Variants in SH3KBP1 observed in about 807,000 individuals in gnomAD.
SH3KBP1 encodes SH3 domain containing kinase binding protein 1.
Under a neutral mutation model 50.1 loss-of-function variants are expected in SH3KBP1, and 8 were observed. That is an observed-to-expected ratio of 0.16 (90% CI 0.09 to 0.29). The LOEUF is 0.29. Among genes scored for constraint, SH3KBP1 ranks in the 10% least tolerant of loss-of-function variants. SH3KBP1 has a pLI of 1.00. For missense variants in SH3KBP1, 377 were observed against 535.2 expected (o/e 0.70, Z 2.92); for synonymous variants, 227 against 218.6 (o/e 1.04, Z -0.34).
chrX:19,597,842 G>C (rs967214219), intron 9 of SH3KBP1, among the ~76,000 whole-genome samples: 1 of 112,677 alleles, frequency 8.9e-6, no homozygotes, highest in Admixed American at 9.4e-5. Context: ...TTTGAGGCCA[G>C]ATATCAACTT....
chrX:19,886,213 T>G lies in SH3KBP1; in HGVS notation c.4+1094A>C, dbSNP rs1299799251. Among the ~76,000 whole-genome samples, 3 of 112,039 alleles carry G rather than the reference T, an allele frequency of 2.7e-5. No individual in the cohort carries two copies. The Admixed American group carries it at 2.8e-4, about 11-fold the overall frequency. On this transcript the variant is annotated intron_variant, in intron 1 of 17. Coordinates refer to ENST00000397821, the MANE Select transcript of SH3KBP1 (RefSeq NM_031892.3). ...CTTTGCCTGTCAACAACGGACTGGG[T>G]TAAACCTCCTCTTTTCCAATCCTTC...
At chrX:19,735,713 C>A (rs2064533445) in intron 3 of SH3KBP1, among the ~76,000 whole-genome samples, 1 of 54,641 alleles carries the variant, frequency 1.8e-5, no homozygotes, top group Admixed American at 2.9e-4. Flanking sequence ...ACTGAGACTC[C>A]TTTTTTTTGG....
intron 4 of SH3KBP1, among the ~76,000 whole-genome samples, chrX:19,705,892 A>T (rs917831547): frequency 1.8e-5 from 2 of 111,953 alleles, no homozygotes; most frequent in African/African-American, 6.5e-5. Flanking sequence ...TAACTTAGCA[A>T]TCTTAAATTT....
At chrX:19,692,566 C>CAT (rs1189114031) in intron 5 of SH3KBP1, among the ~76,000 whole-genome samples, 28 of 106,448 alleles carry the variant, frequency 2.6e-4, no homozygotes, top group African/African-American at 8.6e-4. Flanking sequence ...TATATATACA[C>CAT]ATATATATAC....
chrX:19,790,777 G>A (rs999994718), intron 2 of SH3KBP1, among the ~76,000 whole-genome samples: 1 of 110,301 alleles, frequency 9.1e-6, no homozygotes, highest in Non-Finnish European at 1.9e-5. Flanking sequence ...ATTATATTAT[G>A]TTCCATTTGA....
In SH3KBP1 at chrX:19,827,451, CT is replaced by C. The variant is rs766939561; in HGVS notation, c.162+8673del. On this transcript the variant is annotated intron_variant, in intron 2 of 17. Transcript: ENST00000397821. ...CCTGTTGAACTTTATCAAATGTCCC[CT>C]AACAGACAAATGTCCCCTAAAAGAG... Among the ~76,000 whole-genome samples the C allele has an allele frequency of 6.3e-5, 7 of 111,891 alleles. No homozygotes were observed. In the East Asian group the frequency reaches 2.0e-3, roughly 31 times the overall value.
intron 4 of SH3KBP1, among the ~76,000 whole-genome samples, chrX:19,701,006 C>A (rs1202039891): frequency 8.9e-6 from 1 of 111,977 alleles, no homozygotes; most frequent in Non-Finnish European, 1.9e-5. Context: ...AAAACATATA[C>A]AATTTCTATT....
At chrX:19,828,476 C>T (rs188204292) in intron 2 of SH3KBP1, among the ~76,000 whole-genome samples, 1 of 108,788 alleles carries the variant, frequency 9.2e-6, no homozygotes, top group Admixed American at 9.7e-5. Flanking sequence ...AGTTCAAGAC[C>T]AGCTGAACAA....
intron 2 of SH3KBP1, among the ~76,000 whole-genome samples, chrX:19,828,008 C>T (rs1373673721): frequency 9.1e-6 from 1 of 109,328 alleles, no homozygotes; most frequent in African/African-American, 3.3e-5. Flanking sequence ...ATAAACACTC[C>T]CCCCCATCCC....
intron 1 of SH3KBP1, among the ~76,000 whole-genome samples, chrX:19,868,639 C>T (rs951808850): frequency 1.9e-5 from 2 of 102,685 alleles, no homozygotes; most frequent in Non-Finnish European, 4.0e-5. Flanking sequence ...ATAAACCCAT[C>T]GTGAGTTGAA....
At chrX:19,601,178 C>T (rs982027484) in intron 9 of SH3KBP1, among the ~76,000 whole-genome samples, 16 of 111,816 alleles carry the variant, frequency 1.4e-4, no homozygotes, top group Middle Eastern at 4.6e-3. Flanking sequence ...GGCACCAAGA[C>T]ATGCAGACAC....
intron 7 of SH3KBP1, among the ~76,000 whole-genome samples, chrX:19,636,554 T>A (rs1056189243): frequency 9.0e-6 from 1 of 111,711 alleles, no homozygotes; most frequent in African/African-American, 3.3e-5. Flanking sequence ...CCAAAAAACA[T>A]TATTTCAATC....
intron 6 of SH3KBP1, among the ~76,000 whole-genome samples, chrX:19,663,698 A>G (rs944942396): frequency 8.9e-6 from 1 of 111,945 alleles, no homozygotes; most frequent in Non-Finnish European, 1.9e-5. Flanking sequence ...AAAGATTTCC[A>G]CATACTCCCC....
At chrX:19,803,387 T>C (rs56816480) in intron 2 of SH3KBP1, among the ~76,000 whole-genome samples, 5,245 of 111,437 alleles carry the variant, frequency 0.047, 286 homozygotes, top group African/African-American at 0.15. Context: ...TTTTTAAATT[T>C]AGTGTAGAGA....
At chrX:19,545,160 G>C (rs1337197451) in intron 15 of SH3KBP1, among the ~76,000 whole-genome samples, 4 of 112,167 alleles carry the variant, frequency 3.6e-5, no homozygotes, top group Admixed American at 1.9e-4. Flanking sequence ...TGCTATTCCT[G>C]CTTCAAGTGA....
intron 2 of SH3KBP1, among the ~76,000 whole-genome samples, chrX:19,830,794 AAAAG>A (rs1286864237): frequency 2.5e-4 from 28 of 111,516 alleles, no homozygotes; most frequent in Non-Finnish European, 5.7e-5. Flanking sequence ...AGAGAGAAAG[AAAAG>A]AAAGAGAAGG....
chrX:19,778,250 G>A (rs1429593312), intron 2 of SH3KBP1, among the ~76,000 whole-genome samples: 1 of 109,677 alleles, frequency 9.1e-6, no homozygotes, highest in African/African-American at 3.3e-5. Context: ...GGCCAAGATG[G>A]TGAAACCCTG....
At chrX:19,812,825 A>G (rs903878115) in intron 2 of SH3KBP1, among the ~76,000 whole-genome samples, 3 of 110,957 alleles carry the variant, frequency 2.7e-5, no homozygotes, top group Admixed American at 1.9e-4. Context: ...CAATACAAAA[A>G]TTAGCCAGGT....
chrX:19,771,864 C>CAAAA (rs11457525), intron 2 of SH3KBP1, among the ~76,000 whole-genome samples: 1 of 73,129 alleles, frequency 1.4e-5, no homozygotes, highest in African/African-American at 5.4e-5. Context: ...AACTCCGTCT[C>CAAAA]AAAAAAAAAA....
Sources: gnomAD v4.1 joint callset for allele counts (sites outside exome capture counted in the v4.1 genomes callset) on GRCh38, gnomAD v4.1.1 for gene constraint, MANE v1.5 for transcripts, NCBI Gene and HGNC (gene_info 2026-07-23, HGNC 2026-07-21) for gene names.